Variants in LAMA2 observed in about 807,000 individuals in gnomAD.
LAMA2 encodes laminin subunit alpha-2.
Under a neutral mutation model 364.8 loss-of-function variants are expected in LAMA2, and 269 were observed. The observed-to-expected ratio is 0.74, with a 90% CI of 0.67 to 0.82. The LOEUF (loss-of-function observed/expected upper bound fraction) is 0.82. Among genes scored for constraint, LAMA2 ranks in the 40% least tolerant of loss-of-function variants. The pLI, the probability that LAMA2 is intolerant of heterozygous loss-of-function variation, is 0.00. For synonymous variants in LAMA2, 1,379 were observed against 1,370.6 expected, an observed-to-expected ratio of 1.01 and a Z score of -0.14; for missense variants, 3,807 against 3,873.2, an observed-to-expected ratio of 0.98 and a Z score of 0.45.
chr6:129,222,406 G>C (rs923973742), intron 12 of LAMA2, among the ~76,000 whole-genome samples: 1 of 151,430 alleles, frequency 6.6e-6, no homozygotes, highest in Non-Finnish European at 1.5e-5. Context: ...GGTTTGTTAT[G>C]TATGTGTACA....
intron 1 of LAMA2, among the ~76,000 whole-genome samples, chr6:128,927,275 C>A (rs1049990119): frequency 2.6e-5 from 4 of 152,146 alleles, no homozygotes; most frequent in Non-Finnish European, 5.9e-5. Flanking sequence ...TTCTAACACA[C>A]ACATAACAAA....
chr6:129,226,803 A>G (rs1240299015), intron 12 of LAMA2, among the ~76,000 whole-genome samples: 2 of 151,990 alleles, frequency 1.3e-5, no homozygotes, highest in Non-Finnish European at 2.9e-5. Flanking sequence ...TCTGACAATT[A>G]TGTGTCTTGA....
chr6:128,919,629 CTAATG>C (rs1778566525), intron 1 of LAMA2, among the ~76,000 whole-genome samples: 2 of 152,344 alleles, frequency 1.3e-5, no homozygotes, highest in South Asian at 4.1e-4. Flanking sequence ...CTGTGGCCTT[CTAATG>C]GATATTCTTG....
chr6:129,264,753 A>G (rs1231595308), intron 15 of LAMA2, among the ~76,000 whole-genome samples: 1 of 152,146 alleles, frequency 6.6e-6, no homozygotes, highest in Non-Finnish European at 1.5e-5. Context: ...GCTAGGCCCA[A>G]GGCTGATGAA....
At chr6:129,045,404 C>G (rs1787406602) in intron 1 of LAMA2, among the ~76,000 whole-genome samples, 1 of 152,158 alleles carries the variant, frequency 6.6e-6, no homozygotes, top group Non-Finnish European at 1.5e-5. Context: ...TTTGGTTCTA[C>G]TTTAGGCCCT....
At chr6:129,369,120 G>A (rs1777932279) in intron 33 of LAMA2, among the ~76,000 whole-genome samples, 1 of 152,154 alleles carries the variant, frequency 6.6e-6, no homozygotes, top group Non-Finnish European at 1.5e-5. Context: ...CCTATCTAGA[G>A]GGAAGGAAGA....
rs897292557 is a variant in LAMA2, at chr6:129,154,531, G to C, written c.1054G>C (p.Glu352Gln). The C allele has an allele frequency of 3.7e-6, 6 of 1,613,714 alleles. No homozygotes were observed. Among genetic ancestry groups the C allele is most frequent in the Non-Finnish European group, 4.2e-6 (5 of 1,179,770 alleles). Residue 352 changes from glutamate (E) to glutamine (Q), a missense_variant, in exon 8 of 65, where the codon GAA (glutamate) becomes CAA (glutamine). By Grantham distance (29) the Glu-to-Gln change is conservative. Around this residue, in one of 3 missense-constraint regions of LAMA2, gnomAD observed 80 missense variants for 124.0 expected, o/e 0.65. Coordinates refer to ENST00000421865, the MANE Select transcript of LAMA2 (RefSeq NM_000426.4). Reference sequence around the variant, plus strand: ...ATGCAATTGTCATGGAAAAGCTGAAGAATGCTATTATGATGAAAATGTTGC... The same window carrying C: ...ATGCAATTGTCATGGAAAAGCTGAACAATGCTATTATGATGAAAATGTTGC... The part of the protein sequence containing the change: ...EACNCHGKAE[E>Q]CYYDENVARR...
chr6:129,127,933 T>A (rs1046425855), intron 4 of LAMA2, among the ~76,000 whole-genome samples: 1 of 152,212 alleles, frequency 6.6e-6, no homozygotes, highest in Non-Finnish European at 1.5e-5. Flanking sequence ...TTACAAATAT[T>A]TTCTCCACAT....
At chr6:129,024,111 C>T (rs1785638197) in intron 1 of LAMA2, among the ~76,000 whole-genome samples, 2 of 152,094 alleles carry the variant, frequency 1.3e-5, no homozygotes, top group Non-Finnish European at 2.9e-5. Context: ...CCGGTCTCTT[C>T]CTTGCATTTC....
chr6:129,412,072 G>A (rs1315293505), intron 40 of LAMA2, among the ~76,000 whole-genome samples: 1 of 151,988 alleles, frequency 6.6e-6, no homozygotes, highest in African/African-American at 2.4e-5. Context: ...AAAAAATCTG[G>A]AAAAATAAAA....
At chr6:129,189,400 T>C (rs1781406556) in intron 10 of LAMA2, among the ~76,000 whole-genome samples, 1 of 152,076 alleles carries the variant, frequency 6.6e-6, no homozygotes, top group Non-Finnish European at 1.5e-5. Flanking sequence ...ATTGAGAGAT[T>C]ATATCCTTCC....
chr6:129,396,737 G>A (rs1466705975), intron 37 of LAMA2, among the ~76,000 whole-genome samples: 3 of 152,138 alleles, frequency 2.0e-5, no homozygotes, highest in Non-Finnish European at 2.9e-5. Flanking sequence ...AGGCAGTGCG[G>A]ATCAAGTAAA....
chr6:129,121,211 A>G (rs143485677), intron 4 of LAMA2, among the ~76,000 whole-genome samples: 172 of 152,224 alleles, frequency 1.1e-3, no homozygotes, highest in African/African-American at 4.0e-3. Context: ...AAAACAAATG[A>G]ATCACCCTCA....
chr6:128,924,683 C>G (rs545748477), intron 1 of LAMA2, among the ~76,000 whole-genome samples: 2 of 152,276 alleles, frequency 1.3e-5, no homozygotes, highest in South Asian at 4.2e-4. Context: ...CCCGTCTTCC[C>G]TGCTGGATTT....
chr6:128,986,878 C>T (rs1783272872), intron 1 of LAMA2, among the ~76,000 whole-genome samples: 1 of 151,936 alleles, frequency 6.6e-6, no homozygotes, highest in African/African-American at 2.4e-5. Flanking sequence ...GTCAAATTTG[C>T]AAAATAAGTT....
Position 128,929,887 on chromosome 6 carries a change from C to G in LAMA2, c.112+46530C>G, listed in dbSNP as rs1360650688. 10 of 896,324 alleles carry G rather than the reference C, an allele frequency of 1.1e-5. No individual in the cohort carries two copies. The East Asian group carries it at 2.4e-4, about 22-fold the overall frequency. 55.5% of individuals were successfully genotyped at this position (896,324 alleles called of 1,614,324 possible). On this transcript the variant is annotated intron_variant, in intron 1 of 64. Coordinates refer to ENST00000421865, the MANE Select transcript of LAMA2 (RefSeq NM_000426.4). ...TCCACGAGTGAAGATCAGGTGACAGCTGAGTGTATGGGATGTGCAGGTACG... is the reference window on the plus strand; with the variant it reads ...TCCACGAGTGAAGATCAGGTGACAGGTGAGTGTATGGGATGTGCAGGTACG...
intron 58 of LAMA2, among the ~76,000 whole-genome samples, chr6:129,498,355 C>T (rs767052405): frequency 2.8e-4 from 43 of 152,188 alleles, no homozygotes; most frequent in Non-Finnish European, 5.0e-4. Context: ...GACCTAAGTA[C>T]AGTCAAGGCC....
At chr6:129,224,174 G>C (rs1306691913) in intron 12 of LAMA2, among the ~76,000 whole-genome samples, 1 of 152,182 alleles carries the variant, frequency 6.6e-6, no homozygotes, top group Non-Finnish European at 1.5e-5. Context: ...AAGAATGCTT[G>C]TGATTTTTCT....
intron 22 of LAMA2, 103 bp from the exon 23 acceptor site, chr6:129,312,758 G>A: frequency 2.5e-6 from 2 of 813,722 alleles, no homozygotes; most frequent in East Asian, 2.6e-5. Flanking sequence ...ACAGATACAT[G>A]ATTAATATGT....
Sources: gnomAD v4.1 joint callset for allele counts (sites outside exome capture counted in the v4.1 genomes callset) on GRCh38, gnomAD v4.1.1 for gene constraint, gnomAD v4.1.1 regional missense constraint, MANE v1.5 for transcripts, NCBI Gene and HGNC (gene_info 2026-07-23, HGNC 2026-07-21) for gene names.